The following ACAA2 variants were observed in gnomAD, a reference collection of about 807,000 sequenced individuals.
ACAA2 encodes the protein 3-ketoacyl-CoA thiolase, mitochondrial.
Under a neutral mutation model 44.8 loss-of-function variants are expected in ACAA2, and 35 were observed. That is an observed-to-expected ratio of 0.78 (90% CI 0.60 to 1.04). ACAA2 has a LOEUF of 1.04. ACAA2 is among the 50% of genes least tolerant of loss of function. The pLI, the probability that ACAA2 is intolerant of heterozygous loss-of-function variation, is 0.00. For synonymous variants in ACAA2, 142 were observed against 166.5 expected, an observed-to-expected ratio of 0.85 and a Z score of 1.13; for missense variants, 468 against 482.6, an observed-to-expected ratio of 0.97 and a Z score of 0.28.
chr18:49,812,994 C>T (rs75954532), intron 1 of ACAA2: 12,197 of 157,000 alleles, frequency 0.078, 1,012 homozygotes, highest in East Asian at 0.3. Flanking sequence ...GGGAGCAGGG[C>T]AGGTCTTCCA....
Position 49,787,272 on chromosome 18 carries a change from A to ATC in ACAA2, c.954+18_954+19insGA. The ATC allele has an allele frequency of 4.4e-6, 6 of 1,356,772 alleles. No homozygotes were observed. The highest frequency in any genetic ancestry group is 5.8e-6 in the Non-Finnish European group (6 of 1,027,496). 84.0% of individuals were successfully genotyped at this position (1,356,772 alleles called of 1,614,324 possible). On this transcript the variant is annotated intron_variant, in intron 8 of 9. Transcript: ENST00000285093. Reference sequence around the variant, plus strand: ...TTATTCATGTTGTTAAAAAAAAAAAAAAAAAAAAAAACACTTACCTCTACC... The same window carrying ATC: ...TTATTCATGTTGTTAAAAAAAAAAAATCAAAAAAAAAAACACTTACCTCTACC...
At chr18:49,809,834 A>G (rs137984873) in intron 1 of ACAA2, among the ~76,000 whole-genome samples, 1 of 152,350 alleles carries the variant, frequency 6.6e-6, no homozygotes, top group Admixed American at 6.5e-5. Context: ...ATAGAACTAT[A>G]CAATACAATG....
rs140923445 is a variant in ACAA2 at position 49,802,895 on chromosome 18, T to C, written c.17-42A>G. ...AGATTTGTAAGCCATCACAGGTTAG[T>C]AAATACCTCTAAATGCTTCGAATAA... On this transcript the variant is annotated intron_variant, in intron 1 of 9. Coordinates refer to ENST00000285093, the MANE Select transcript of ACAA2 (RefSeq NM_006111.3). 6.4e-4 allele frequency: 1,013 copies of C among 1,580,484 alleles called. 10 individuals carry two copies. The East Asian group carries it at 0.016, about 26-fold the overall frequency.
chr18:49,788,127 AT>A (rs1417871959), intron 7 of ACAA2, among the ~76,000 whole-genome samples: 6 of 152,244 alleles, frequency 3.9e-5, no homozygotes, highest in Non-Finnish European at 8.8e-5. Context: ...TAGCTCCCAG[AT>A]TTCTGATGAT....
intron 1 of ACAA2, among the ~76,000 whole-genome samples, chr18:49,811,135 T>C (rs2023665319): frequency 1.3e-5 from 2 of 151,608 alleles, no homozygotes; most frequent in South Asian, 4.2e-4. Context: ...TTCCCAAAAC[T>C]GAAAGACAGT....
intron 2 of ACAA2, among the ~76,000 whole-genome samples, chr18:49,798,322 C>T (rs1300856652): frequency 6.6e-6 from 1 of 152,142 alleles, no homozygotes; most frequent in Non-Finnish European, 1.5e-5. Context: ...ACTCCCAAAA[C>T]TTTAAAATGC....
At position 49,783,575 on chromosome 18, in the gene ACAA2, CAAG is replaced by C. The variant is rs1250478800; in HGVS notation, c.*269_*271del. 1 of 302,934 alleles carries C rather than the reference CAAG, an allele frequency of 3.3e-6. No individual in the cohort carries two copies. Among genetic ancestry groups the C allele is most frequent in the Admixed American group, 4.5e-5 (1 of 22,148 alleles). 18.8% of individuals were successfully genotyped at this position (302,934 alleles called of 1,614,324 possible). A position where few individuals can be genotyped will look rare whatever the true frequency, so the allele number is the denominator to read the frequency against. ...TAAGGCAGAAGTGGTGGTTACTTGG[CAAG>C]AATACGATTTCTTTTAATGTCTTCT... On this transcript the variant is annotated 3_prime_UTR_variant, in exon 10 of 10. Transcript: ENST00000285093.
intron 1 of ACAA2, 57 bp downstream of exon 1, chr18:49,813,412 G>A: frequency 1.7e-6 from 2 of 1,211,322 alleles, no homozygotes; most frequent in African/African-American, 1.6e-5. Context: ...GCGGAGGCCT[G>A]GCCTGGGGAG....
chr18:49,809,607 T>C (rs1296748510), intron 1 of ACAA2, among the ~76,000 whole-genome samples: 1 of 152,120 alleles, frequency 6.6e-6, no homozygotes, highest in Non-Finnish European at 1.5e-5. Context: ...TGTCGCTAAG[T>C]GAAAGAAGCC....
At chr18:49,803,024 C>A in intron 1 of ACAA2, 171 bp from the exon 2 acceptor site, 7 of 763,758 alleles carry the variant, frequency 9.2e-6, no homozygotes, top group South Asian at 8.9e-5. Flanking sequence ...GTCTTAAGGA[C>A]TACCAGTTTG....
At position 49,813,492 on chromosome 18, in the gene ACAA2, G is replaced by C. The variant is rs977377868; in HGVS notation, c.-8C>G. 2.6e-5 allele frequency: 32 copies of C among 1,241,368 alleles called. No homozygotes were observed. The highest frequency in any genetic ancestry group is 4.2e-5 in the Admixed American group (1 of 23,714). 76.9% of individuals were successfully genotyped at this position (1,241,368 alleles called of 1,614,324 possible). A position where few individuals can be genotyped will look rare whatever the true frequency, so the allele number is the denominator to read the frequency against. ...ACCTCGGAGCAGAGCCATGGCGGCT[G>C]CTGGGTCGTCGGCGGCGCGGGTCTG... On this transcript the variant is annotated 5_prime_UTR_variant, in exon 1 of 10. Coordinates refer to ENST00000285093, the MANE Select transcript of ACAA2 (RefSeq NM_006111.3).
intron 1 of ACAA2, 61 bp downstream of exon 1, chr18:49,813,408 G>C (rs1395284031): frequency 8.4e-7 from 1 of 1,192,848 alleles, no homozygotes; most frequent in Non-Finnish European, 1.1e-6. Context: ...GGAAGCGGAG[G>C]CCTGGCCTGG....
chr18:49,795,874 C>A lies in ACAA2; in HGVS notation c.320G>T (p.Cys107Phe), dbSNP rs756362063. Reference sequence around the variant, plus strand: ...TAAAACAACTTCAGCTTCTTTAACACAAATTTCCTATTTAAAAACAAACAG... The same window carrying A: ...TAAAACAACTTCAGCTTCTTTAACAAAAATTTCCTATTTAAAAACAAACAG... ...QSIVNGCQEI[C>F]VKEAEVVLCG... Residue 107 changes from cysteine (C) to phenylalanine (F), a missense_variant, in exon 4 of 10, where the codon TGT becomes TTT. Cys to Phe is a radical substitution (Grantham distance 205). Transcript: ENST00000285093. 97 of 1,606,932 alleles carry A rather than the reference C, an allele frequency of 6.0e-5. No homozygotes were observed. Among genetic ancestry groups the A allele is most frequent in the Non-Finnish European group, 7.6e-5 (89 of 1,175,328 alleles).
Position 49,792,016 on chromosome 18 carries a change from T to A in ACAA2, c.753+136A>T. On this transcript the variant is annotated intron_variant, in intron 6 of 9. Transcript: ENST00000285093. Reference sequence around the variant, plus strand: ...TTGTGTGGGTCTATGAAAACCTAAATTAATTGAATATGAACACTATTAGTT... The same window carrying A: ...TTGTGTGGGTCTATGAAAACCTAAAATAATTGAATATGAACACTATTAGTT... 5.3e-6 allele frequency: 3 copies of A among 564,448 alleles called. No homozygotes were observed. The South Asian group carries it at 1.6e-4, about 29-fold the overall frequency. The allele number at this position is 564,448 out of a possible 1,614,324, so 35.0% of individuals were successfully genotyped here.
chr18:49,806,945 GAA>G (rs563444491), intron 1 of ACAA2, among the ~76,000 whole-genome samples: 1 of 147,176 alleles, frequency 6.8e-6, no homozygotes, highest in Non-Finnish European at 1.5e-5. Context: ...AAGAACAGAT[GAA>G]AAAAAAAAGA....
At chr18:49,790,497 G>T (rs953733515) in intron 7 of ACAA2, among the ~76,000 whole-genome samples, 2 of 152,130 alleles carry the variant, frequency 1.3e-5, no homozygotes, top group East Asian at 1.9e-4. Context: ...AAACAATTTA[G>T]TTATTCAAAA....
At chr18:49,807,958 A>G (rs537955556) in intron 1 of ACAA2, among the ~76,000 whole-genome samples, 24 of 152,150 alleles carry the variant, frequency 1.6e-4, no homozygotes, top group African/African-American at 4.3e-4. Flanking sequence ...CAAAACATAC[A>G]AAGTGTTCTT....
Position 49,791,592 on chromosome 18 carries a change from G to A in ACAA2, c.761C>T (p.Ala254Val). ...TATGATAACAGCTCCAGCACCATCA[G>A]CTACACCCTTGAAAATAAAAATACT... The part of the protein sequence containing the change: ...TVTAGNASGV[A>V]DGAGAVIIAS... Residue 254 changes from alanine to valine, a missense_variant, in exon 7 of 10, where the codon GCT becomes GTT. Ala to Val is a moderately conservative substitution (Grantham distance 64, BLOSUM62 0). Coordinates refer to ENST00000285093, the MANE Select transcript of ACAA2 (RefSeq NM_006111.3). 6.2e-7 allele frequency: 1 copy of A among 1,612,690 alleles called. No individual in the cohort carries two copies. The highest frequency in any genetic ancestry group is 8.5e-7 in the Non-Finnish European group (1 of 1,179,464).
Position 49,795,878 on chromosome 18 carries a change from T to C in ACAA2, c.316A>G (p.Ile106Val). ...FQSIVNGCQE[I>V]CVKEAEVVLC... ...ACAACTTCAGCTTCTTTAACACAAA[T>C]TTCCTATTTAAAAACAAACAGTAAT... The change falls in exon 4 of 10, where the codon ATT (isoleucine) becomes GTT (valine). Residue 106 changes from isoleucine (I) to valine (V), a missense_variant. Transcript: ENST00000285093. 6.2e-7 allele frequency: 1 copy of C among 1,604,564 alleles called. No individual in the cohort carries two copies. The highest frequency in any genetic ancestry group is 8.5e-7 in the Non-Finnish European group (1 of 1,174,100).
Sources: gnomAD v4.1 joint callset for allele counts (sites outside exome capture counted in the v4.1 genomes callset) on GRCh38, gnomAD v4.1.1 for gene constraint, MANE v1.5 for transcripts, NCBI Gene and HGNC (gene_info 2026-07-23, HGNC 2026-07-21) for gene names.